Variants in TMC2 observed in about 807,000 individuals in gnomAD.
TMC2 encodes transmembrane channel-like protein 2.
In TMC2, 102 loss-of-function variants were observed where a neutral mutation model predicts 105.9. That is an observed-to-expected ratio of 0.96 (90% CI 0.82 to 1.14). TMC2 has a LOEUF of 1.14. TMC2 is among the 50% of genes most tolerant of loss of function. The pLI, the probability that TMC2 is intolerant of heterozygous loss-of-function variation, is 0.00. For missense variants in TMC2, 1,093 were observed against 1,134.3 expected (o/e 0.96, Z 0.52); for synonymous variants, 402 against 422.8 (o/e 0.95, Z 0.60).
chr20:2,600,126 T>C (rs6037081), intron 10 of TMC2, among the ~76,000 whole-genome samples: 67,361 of 152,048 alleles, frequency 0.44, 15,747 homozygotes, highest in East Asian at 0.65. Context: ...TCCTCCAGGA[T>C]TGTGAGAGAG....
At chr20:2,540,382 C>T (rs956332732) in intron 2 of TMC2, among the ~76,000 whole-genome samples, 2 of 151,718 alleles carry the variant, frequency 1.3e-5, no homozygotes, top group African/African-American at 4.8e-5. Flanking sequence ...TGGACATGGC[C>T]GGGCACAGTG....
At chr20:2,549,379 G>A (rs1195728154) in intron 2 of TMC2, among the ~76,000 whole-genome samples, 1 of 152,124 alleles carries the variant, frequency 6.6e-6, no homozygotes, top group Non-Finnish European at 1.5e-5. Context: ...TCTTAATTCA[G>A]CCAATTAAAT....
At chr20:2,569,278 A>G (rs1293508797) in intron 4 of TMC2, among the ~76,000 whole-genome samples, 4 of 152,232 alleles carry the variant, frequency 2.6e-5, no homozygotes, top group Non-Finnish European at 5.9e-5. Flanking sequence ...TCCAGCAACC[A>G]CTGCAGAATA....
chr20:2,541,407 G>A (rs533329587), intron 2 of TMC2, among the ~76,000 whole-genome samples: 3 of 152,244 alleles, frequency 2.0e-5, no homozygotes, highest in East Asian at 1.9e-4. Flanking sequence ...TTGGGAGGCC[G>A]AGGCAGGCGG....
At position 2,616,056 on chromosome 20, in the gene TMC2, G is replaced by T; in HGVS notation, c.1873-81G>T. 2 of 1,170,456 alleles carry T rather than the reference G, an allele frequency of 1.7e-6. No individual in the cohort carries two copies. Among genetic ancestry groups the T allele is most frequent in the African/African-American group, 1.5e-5 (1 of 65,440 alleles). 72.5% of individuals were successfully genotyped at this position (1,170,456 alleles called of 1,614,324 possible). A position where few individuals can be genotyped will look rare whatever the true frequency, so the allele number is the denominator to read the frequency against. On this transcript the variant is annotated intron_variant, in intron 14 of 19. Coordinates refer to ENST00000358864, the MANE Select transcript of TMC2 (RefSeq NM_080751.3). The surrounding 1 kb of genome is among the most constrained non-coding windows in gnomAD (Gnocchi z 4.8). The stretch of plus-strand genomic sequence containing the variant: ...GGAATGGCCTTGGCTTGGCCAGTTG[G>T]TTGGTAGTAGGGTTTGGCTGAATTC...
intron 17 of TMC2, among the ~76,000 whole-genome samples, chr20:2,627,958 A>G (rs539440295): frequency 6.6e-6 from 1 of 152,300 alleles, no homozygotes; most frequent in East Asian, 1.9e-4. Context: ...ACCTGAGGTC[A>G]GGAGTTTGAG....
At chr20:2,606,663 G>T (rs2086394271) in intron 11 of TMC2, among the ~76,000 whole-genome samples, 1 of 151,446 alleles carries the variant, frequency 6.6e-6, no homozygotes. Context: ...CCCTTTTTTG[G>T]GTTTTCTTCT....
intron 7 of TMC2, among the ~76,000 whole-genome samples, chr20:2,589,201 T>C (rs1372705496): frequency 6.6e-6 from 1 of 151,860 alleles, no homozygotes; most frequent in Non-Finnish European, 1.5e-5. Context: ...CTAATTTTAC[T>C]TTCTGAGTAA....
At chr20:2,550,395 A>G (rs914527404) in intron 2 of TMC2, among the ~76,000 whole-genome samples, 1 of 152,138 alleles carries the variant, frequency 6.6e-6, no homozygotes, top group Non-Finnish European at 1.5e-5. Context: ...GTTTCCACGT[A>G]TAACCTTCTT....
At chr20:2,577,279 G>A (rs779794516) in intron 5 of TMC2, among the ~76,000 whole-genome samples, 5 of 152,052 alleles carry the variant, frequency 3.3e-5, no homozygotes, top group South Asian at 2.1e-4. Context: ...GACCTCAAGT[G>A]ATCCACCCAC....
chr20:2,545,779 G>A (rs953840085), intron 2 of TMC2, among the ~76,000 whole-genome samples: 1 of 144,028 alleles, frequency 6.9e-6, no homozygotes, highest in Non-Finnish European at 1.5e-5. Flanking sequence ...AGAAGATGAA[G>A]AAGAAGACGA....
intron 11 of TMC2, among the ~76,000 whole-genome samples, chr20:2,609,044 T>A (rs2086415059): frequency 1.3e-5 from 2 of 152,226 alleles, no homozygotes; most frequent in African/African-American, 4.8e-5. Flanking sequence ...CTCATAGCAC[T>A]ATGGCAGGGT....
intron 10 of TMC2, among the ~76,000 whole-genome samples, chr20:2,600,741 G>A (rs895410413): frequency 3.3e-5 from 5 of 151,800 alleles, no homozygotes; most frequent in South Asian, 2.1e-4. Flanking sequence ...GGAGAATGGC[G>A]TGAACCTGGG....
intron 4 of TMC2, among the ~76,000 whole-genome samples, chr20:2,571,390 T>C (rs1781305776): frequency 1.3e-5 from 2 of 152,166 alleles, no homozygotes; most frequent in Non-Finnish European, 2.9e-5. Context: ...CCAACAAACA[T>C]ATGAGAAAAT....
intron 4 of TMC2, among the ~76,000 whole-genome samples, chr20:2,570,223 A>G (rs1275085408): frequency 6.6e-6 from 1 of 152,178 alleles, no homozygotes; most frequent in East Asian, 1.9e-4. Flanking sequence ...TGCTGATTAT[A>G]TGATTCTCTA....
chr20:2,583,256 A>G (rs537469818), intron 7 of TMC2, among the ~76,000 whole-genome samples: 3 of 152,352 alleles, frequency 2.0e-5, no homozygotes, highest in African/African-American at 7.2e-5. Flanking sequence ...CAAATAGAAT[A>G]TAGAATGGTT....
intron 10 of TMC2, among the ~76,000 whole-genome samples, chr20:2,598,687 C>T (rs1281278916): frequency 6.6e-6 from 1 of 152,084 alleles, no homozygotes; most frequent in African/African-American, 2.4e-5. Flanking sequence ...GGATTACAAG[C>T]ATGAGCCACT....
At chr20:2,580,591 G>T (rs1358749030) in intron 7 of TMC2, among the ~76,000 whole-genome samples, 2 of 151,704 alleles carry the variant, frequency 1.3e-5, no homozygotes, top group East Asian at 3.9e-4. Flanking sequence ...TTTTAAGGAG[G>T]TTTTTTTTAG....
At chr20:2,597,379 T>C (rs1332686659) in intron 10 of TMC2, 81 bp downstream of exon 10, 10 of 1,424,382 alleles carry the variant, frequency 7.0e-6, no homozygotes, top group East Asian at 2.4e-5. Flanking sequence ...AGCTGGGACA[T>C]AGAAAATAAG....
Sources: allele counts gnomAD v4.1 joint callset (sites outside exome capture counted in the v4.1 genomes callset), GRCh38; gene constraint gnomAD v4.1.1; non-coding constraint Gnocchi (gnomAD v3.1); transcripts MANE v1.5; gene names NCBI Gene and HGNC (gene_info 2026-07-23, HGNC 2026-07-21).